The following HTR7 variants were observed in gnomAD, a reference collection of about 807,000 sequenced individuals.
HTR7 encodes the protein 5-hydroxytryptamine receptor 7.
In HTR7, 16 loss-of-function variants were observed where a neutral mutation model predicts 34.0. The ratio of observed to expected loss-of-function variants is 0.47; its 90% confidence interval spans 0.32 to 0.71. The LOEUF (loss-of-function observed/expected upper bound fraction) is 0.71, where lower values mean the gene tolerates loss of function less well. HTR7 is among the 30% of genes least tolerant of loss of function. The pLI is 0.04. For missense variants in HTR7, 504 were observed against 625.5 expected, an observed-to-expected ratio of 0.81 and a Z score of 2.07; for synonymous variants, 265 against 260.2, an observed-to-expected ratio of 1.02 and a Z score of -0.18.
intron 1 of HTR7, among the ~76,000 whole-genome samples, chr10:90,842,779 T>C (rs1589478812): frequency 6.6e-6 from 1 of 151,772 alleles, no homozygotes; most frequent in African/African-American, 2.4e-5. Context: ...CACTGCTCCA[T>C]AGCACAGCAC....
At chr10:90,795,992 A>G (rs1035897719) in intron 1 of HTR7, among the ~76,000 whole-genome samples, 16 of 152,248 alleles carry the variant, frequency 1.1e-4, no homozygotes, top group African/African-American at 3.9e-4. Context: ...TGAAGCCTCC[A>G]GGTAGCAGGC....
intron 1 of HTR7, among the ~76,000 whole-genome samples, chr10:90,781,156 G>A (rs1024895734): frequency 6.6e-6 from 1 of 152,150 alleles, no homozygotes; most frequent in Admixed American, 6.5e-5. Context: ...ATTGTTAAGT[G>A]TATTCCTCCA....
chr10:90,854,617 T>C (rs1402349012), intron 1 of HTR7, among the ~76,000 whole-genome samples: 3 of 152,192 alleles, frequency 2.0e-5, no homozygotes, highest in East Asian at 1.9e-4. Context: ...ACTTTTTCAA[T>C]GAATACAAAT....
At chr10:90,808,338 C>A (rs1229798429) in intron 1 of HTR7, among the ~76,000 whole-genome samples, 1 of 152,030 alleles carries the variant, frequency 6.6e-6, no homozygotes, top group Non-Finnish European at 1.5e-5. Context: ...AGTACCCCAA[C>A]CCCTTCTCTC....
chr10:90,780,660 A>T (rs904893192), intron 1 of HTR7, among the ~76,000 whole-genome samples: 1 of 152,226 alleles, frequency 6.6e-6, no homozygotes, highest in African/African-American at 2.4e-5. Flanking sequence ...GCCAAGAAAC[A>T]GTGAGAGGCA....
chr10:90,758,957 G>A (rs1005651226), intron 1 of HTR7, among the ~76,000 whole-genome samples: 1 of 152,080 alleles, frequency 6.6e-6, no homozygotes, highest in East Asian at 1.9e-4. Context: ...GGAGGCTGAG[G>A]TGGGCAGATC....
At position 90,766,102 on chromosome 10, in the gene HTR7, T is replaced by A. The variant is rs537142856; in HGVS notation, c.540-16508A>T. Among the ~76,000 whole-genome samples, 7 of 152,318 alleles carry A rather than the reference T, an allele frequency of 4.6e-5. No homozygotes were observed. In the East Asian group the frequency reaches 1.2e-3, roughly 25 times the overall value. ...TATTATGCTTGGATGATTTATTCAT[T>A]GTTGAGAGTAGGATATTTAAGTCCC... On this transcript the variant is annotated intron_variant, in intron 1 of 3. Coordinates refer to ENST00000336152, the MANE Select transcript of HTR7 (RefSeq NM_019859.4).
At chr10:90,790,883 A>T (rs1410708209) in intron 1 of HTR7, among the ~76,000 whole-genome samples, 1 of 152,126 alleles carries the variant, frequency 6.6e-6, no homozygotes, top group African/African-American at 2.4e-5. Flanking sequence ...ATTACATTGG[A>T]TGCTTAGACT....
At chr10:90,769,424 TAACA>T (rs1180819660) in intron 1 of HTR7, among the ~76,000 whole-genome samples, 3 of 152,226 alleles carry the variant, frequency 2.0e-5, no homozygotes, top group African/African-American at 4.8e-5. Flanking sequence ...AGCAATCAAC[TAACA>T]AACGTGTTTA....
chr10:90,826,448 A>G (rs7906960), intron 1 of HTR7, among the ~76,000 whole-genome samples: 57,557 of 151,918 alleles, frequency 0.38, 11,979 homozygotes, highest in African/African-American at 0.57. Context: ...GAAAAACACA[A>G]AATATAATAA....
rs71025328 is a variant in HTR7 at position 90,844,726 on chromosome 10, C to CAAA, written c.539+12404_539+12406dup. Among the ~76,000 whole-genome samples, 5 of 39,506 alleles carry CAAA rather than the reference C, an allele frequency of 1.3e-4. 1 individual carries two copies. The highest frequency in any genetic ancestry group is 2.5e-4 in the Non-Finnish European group (5 of 20,074). 25.9% of individuals were successfully genotyped at this position (39,506 alleles called of 152,430 possible). Reference sequence around the variant, plus strand: ...TGGGCAACAGAATGAGACTCCGTCTCAAAAAAAAAAAAAAAAAAAAAAAAA... The same window carrying CAAA: ...TGGGCAACAGAATGAGACTCCGTCTCAAAAAAAAAAAAAAAAAAAAAAAAAAAA... On this transcript the variant is annotated intron_variant, in intron 1 of 3. Transcript: ENST00000336152.
chr10:90,850,447 TCATCTACAG>T (rs1188814434), intron 1 of HTR7, among the ~76,000 whole-genome samples: 4 of 152,150 alleles, frequency 2.6e-5, no homozygotes, highest in African/African-American at 7.2e-5. Flanking sequence ...CAAAATAACA[TCATCTACAG>T]CATCTACAAT....
chr10:90,825,199 C>T (rs1846050392), intron 1 of HTR7, among the ~76,000 whole-genome samples: 1 of 152,200 alleles, frequency 6.6e-6, no homozygotes, highest in African/African-American at 2.4e-5. Flanking sequence ...GAGAATTCTT[C>T]AGGATCTCAT....
At chr10:90,802,796 G>A (rs1845649289) in intron 1 of HTR7, among the ~76,000 whole-genome samples, 1 of 152,150 alleles carries the variant, frequency 6.6e-6, no homozygotes, top group Admixed American at 6.5e-5. Flanking sequence ...CATGGAATCA[G>A]TCCTTTTGGT....
At chr10:90,778,486 C>T (rs1845255366) in intron 1 of HTR7, among the ~76,000 whole-genome samples, 1 of 152,184 alleles carries the variant, frequency 6.6e-6, no homozygotes, top group Admixed American at 6.5e-5. Flanking sequence ...CCAGATGTGA[C>T]CCCTCAACCT....
chr10:90,823,947 C>A lies in HTR7; in HGVS notation c.539+33186G>T, dbSNP rs565359211. Reference sequence around the variant, plus strand: ...GTTTCCTGAGGTCTCCCAAGCCATGCCTCCTGTAGAGCCTTCAGAATTGTG... The same window carrying A: ...GTTTCCTGAGGTCTCCCAAGCCATGACTCCTGTAGAGCCTTCAGAATTGTG... On this transcript the variant is annotated intron_variant, in intron 1 of 3. Transcript: ENST00000336152. Among the ~76,000 whole-genome samples, 451 of 152,332 alleles carry A rather than the reference C, an allele frequency of 3.0e-3. 1 individual carries two copies. Among genetic ancestry groups the A allele is most frequent in the Admixed American group, 5.3e-3 (81 of 15,306 alleles).
chr10:90,748,767 C>G (rs1312543415), intron 2 of HTR7, 72 bp downstream of exon 2: 5 of 1,470,240 alleles, frequency 3.4e-6, no homozygotes, highest in Non-Finnish European at 4.6e-6. Flanking sequence ...AGGAAGCTTT[C>G]TGTGATGTGC....
At chr10:90,854,674 C>T (rs1436631991) in intron 1 of HTR7, among the ~76,000 whole-genome samples, 2 of 152,158 alleles carry the variant, frequency 1.3e-5, no homozygotes, top group African/African-American at 4.8e-5. Flanking sequence ...CTGTGAAAAA[C>T]AGTATGGCAT....
intron 1 of HTR7, among the ~76,000 whole-genome samples, chr10:90,807,746 G>T (rs1845726635): frequency 6.6e-6 from 1 of 152,182 alleles, no homozygotes; most frequent in African/African-American, 2.4e-5. Context: ...GAAATTTGGT[G>T]CCGTGACTCA....
Sources: allele counts gnomAD v4.1 joint callset (sites outside exome capture counted in the v4.1 genomes callset), GRCh38; gene constraint gnomAD v4.1.1; transcripts MANE v1.5; gene names NCBI Gene and HGNC (gene_info 2026-07-23, HGNC 2026-07-21).